Variants in ATM observed in about 807,000 individuals in gnomAD.
ATM encodes the protein ATM serine/threonine kinase.
Under a neutral mutation model 387.0 loss-of-function variants are expected in ATM, and 308 were observed. The ratio of observed to expected loss-of-function variants is 0.80; its 90% CI spans 0.73 to 0.87. The LOEUF is 0.87. Among genes scored for constraint, ATM ranks in the 40% least tolerant of loss-of-function variants. The pLI is 0.00. For missense variants in ATM, 3,312 were observed against 3,560.9 expected (o/e 0.93, Z 1.78); for synonymous variants, 1,156 against 1,187.3 (o/e 0.97, Z 0.54).
At chr11:108,242,730 C>G (rs1224532514) in intron 5 of ATM, among the ~76,000 whole-genome samples, 1 of 152,162 alleles carries the variant, frequency 6.6e-6, no homozygotes, top group Admixed American at 6.6e-5. Context: ...TCTGTTATAA[C>G]TCAGTCCACT....
chr11:108,291,031 C>G (rs900691464), intron 29 of ATM, among the ~76,000 whole-genome samples: 3 of 151,824 alleles, frequency 2.0e-5, no homozygotes, highest in Non-Finnish European at 4.4e-5. Flanking sequence ...GTCAGGAGAT[C>G]GAGACCATCC....
chr11:108,339,734 A>G (rs952215842), intron 56 of ATM, among the ~76,000 whole-genome samples: 2 of 152,130 alleles, frequency 1.3e-5, no homozygotes, highest in African/African-American at 4.8e-5. Flanking sequence ...TAAGGGTTTG[A>G]TTCCCCCTCC....
chr11:108,331,501 G>T lies in ATM; in HGVS notation c.7573G>T (p.Ala2525Ser). 1 of 1,613,378 alleles carries T rather than the reference G, an allele frequency of 6.2e-7. No individual in the cohort carries two copies. The highest frequency in any genetic ancestry group is 1.3e-5 in the African/African-American group (1 of 74,962). Residue 2525 changes from alanine to serine, a missense_variant, in exon 51 of 63, where the codon GCT becomes TCT. Around this residue, in one of 4 missense-constraint regions of ATM, gnomAD observed 1,405 missense variants for 1,604.4 expected, o/e 0.88. Transcript: ENST00000675843. ...KFLPLMYQLA[A>S]RMGTKMMGGL... ...TTTGCCTCTTATGTACCAATTGGCTGCTAGAATGGGGACCAAGATGATGGG... is the reference window on the plus strand; with the variant it reads ...TTTGCCTCTTATGTACCAATTGGCTTCTAGAATGGGGACCAAGATGATGGG...
At position 108,281,112 on chromosome 11, in the gene ATM, T is replaced by G. The variant is rs547400704; in HGVS notation, c.3520T>G (p.Phe1174Val). 3 of 1,614,052 alleles carry G rather than the reference T, an allele frequency of 1.9e-6. No individual in the cohort carries two copies. The highest frequency in any genetic ancestry group is 1.1e-5 in the South Asian group (1 of 91,080). The change falls in exon 24 of 63, where the codon TTT becomes GTT. Residue 1174 changes from phenylalanine (F) to valine (V), a missense_variant. By Grantham distance (50) the Phe-to-Val change is conservative. Coordinates refer to ENST00000675843, the MANE Select transcript of ATM (RefSeq NM_000051.4). ...CCCTATCTGCGAAAAACAGGCTTTG[T>G]TTGCCCTGTGTAAATCTGTGAAAGA... ...CSPICEKQAL[F>V]ALCKSVKENG... is the part of the protein sequence containing the mutation.
At chr11:108,321,701 T>A (rs889860952) in intron 45 of ATM, among the ~76,000 whole-genome samples, 2 of 151,740 alleles carry the variant, frequency 1.3e-5, no homozygotes, top group African/African-American at 2.4e-5. Flanking sequence ...GAAAATTGCT[T>A]GAACCCAGCA....
At chr11:108,274,014 G>A (rs572740109) in intron 22 of ATM, among the ~76,000 whole-genome samples, 2 of 152,128 alleles carry the variant, frequency 1.3e-5, no homozygotes, top group East Asian at 3.9e-4. Flanking sequence ...GGCTTTTTTT[G>A]GTTGGTAGGC....
At chr11:108,273,328 A>ATTTTTTTT (rs2081718897) in intron 22 of ATM, among the ~76,000 whole-genome samples, 1 of 106,402 alleles carries the variant, frequency 9.4e-6, no homozygotes, top group African/African-American at 4.2e-5. Context: ...TATTAATTTC[A>ATTTTTTTT]TTCTTTTTTT....
intron 30 of ATM, 102 bp from the exon 31 acceptor site, chr11:108,293,211 G>C (rs2082903674): frequency 3.9e-6 from 3 of 773,526 alleles, no homozygotes; most frequent in Non-Finnish European, 4.0e-6. Flanking sequence ...CATTTAATCT[G>C]ATCTAGGTTA....
intron 36 of ATM, among the ~76,000 whole-genome samples, 173 bp downstream of exon 36, chr11:108,303,202 C>T (rs146229640): frequency 7.2e-5 from 11 of 152,198 alleles, no homozygotes; most frequent in South Asian, 2.1e-4. Flanking sequence ...GTTTCAGCTT[C>T]GGGATAGCAA....
chr11:108,234,624 C>T (rs537593011), intron 4 of ATM, among the ~76,000 whole-genome samples: 34 of 152,186 alleles, frequency 2.2e-4, no homozygotes, highest in African/African-American at 8.2e-4. Flanking sequence ...ATCCCTTGAG[C>T]TCAGGAGTTC....
rs1565372302 is a variant in ATM at position 108,245,039 on chromosome 11, T to G, written c.901+13T>G. ...ACCCAAGAAAAAGGTATAAAGGAAA[T>G]GTTTACTGTTTTGAATTTGCTTCTT... On this transcript the variant is annotated intron_variant, in intron 7 of 62. Coordinates refer to ENST00000675843, the MANE Select transcript of ATM (RefSeq NM_000051.4). 1 of 1,582,678 alleles carries G rather than the reference T, an allele frequency of 6.3e-7. No individual in the cohort carries two copies. The highest frequency in any genetic ancestry group is 8.6e-7 in the Non-Finnish European group (1 of 1,158,970).
chr11:108,225,554 CT>C (rs1159879476), intron 1 of ATM: 1 of 152,194 alleles, frequency 6.6e-6, no homozygotes, highest in Non-Finnish European at 1.5e-5. Flanking sequence ...GCTAACTGCA[CT>C]TTCCGCCTCC....
At position 108,301,770 on chromosome 11, in the gene ATM, T is replaced by G. The variant is rs864622125; in HGVS notation, c.5300T>G (p.Phe1767Cys). ...CCAATGCTGGCCTATCTACAGCCTT[T>G]TAGAACATCAAGAAAAAAGGTCTCT... ...TDPMLAYLQP[F>C]RTSRKKFLEV... The change falls in exon 35 of 63, where the codon TTT (phenylalanine) becomes TGT (cysteine). Residue 1767 changes from phenylalanine to cysteine, a missense_variant. Physicochemically the swap from Phe to Cys is radical, Grantham distance 205. This residue lies in a region of ATM where 1,405 missense variants were observed against 1,604.4 expected (regional missense o/e 0.88). Transcript: ENST00000675843. 5.6e-6 allele frequency: 9 copies of G among 1,613,686 alleles called. No individual in the cohort carries two copies. Among genetic ancestry groups the G allele is most frequent in the Non-Finnish European group, 7.6e-6 (9 of 1,179,732 alleles).
At chr11:108,312,549 G>A (rs2136065802) in intron 40 of ATM, 51 bp downstream of exon 40, 2 of 1,386,412 alleles carry the variant, frequency 1.4e-6, no homozygotes, top group South Asian at 2.3e-5. Flanking sequence ...TCATACTTTG[G>A]GTTATTTTGT....
Position 108,250,753 on chromosome 11 carries a change from T to G in ATM, c.1288T>G (p.Cys430Gly). Reference sequence around the variant, plus strand: ...AAAGTATCCTGCAAGTTTACCTAACTGTGAGCTGTCTCCATTACTGATGAT... The same window carrying G: ...AAAGTATCCTGCAAGTTTACCTAACGGTGAGCTGTCTCCATTACTGATGAT... ...ISKYPASLPNCELSPLLMILS... is the reference protein window; with the variant it reads ...ISKYPASLPNGELSPLLMILS... The change falls in exon 10 of 63, where the codon TGT becomes GGT. Residue 430 changes from cysteine (C) to glycine (G), a missense_variant. Around this residue, in one of 4 missense-constraint regions of ATM, gnomAD observed 1,791 missense variants for 1,804.5 expected, o/e 0.99. Transcript: ENST00000675843. 1 of 1,612,858 alleles carries G rather than the reference T, an allele frequency of 6.2e-7. No homozygotes were observed. Among genetic ancestry groups the G allele is most frequent in the Non-Finnish European group, 8.5e-7 (1 of 1,179,840 alleles).
chr11:108,295,102 T>C (rs867300753), intron 32 of ATM, 43 bp downstream of exon 32: 7 of 1,611,174 alleles, frequency 4.3e-6, no homozygotes, highest in Admixed American at 3.3e-5. Context: ...CCTGTTTCTT[T>C]TTGAAAGAAT....
At chr11:108,303,174 C>G (rs1296283041) in intron 36 of ATM, 145 bp downstream of exon 36, 2 of 900,630 alleles carry the variant, frequency 2.2e-6, no homozygotes, top group Non-Finnish European at 3.3e-6. Flanking sequence ...CGTATTTAGT[C>G]ATAACTTTAT....
chr11:108,237,205 G>A (rs551407854), intron 5 of ATM, among the ~76,000 whole-genome samples: 1 of 152,212 alleles, frequency 6.6e-6, no homozygotes, highest in African/African-American at 2.4e-5. Flanking sequence ...ACGTTACTCT[G>A]AACACAAGAT....
intron 35 of ATM, 148 bp downstream of exon 35, chr11:108,301,937 C>T: frequency 1.0e-6 from 1 of 954,120 alleles, no homozygotes; most frequent in Non-Finnish European, 1.6e-6. Context: ...TTTCATAAAT[C>T]CAGGGAATGT....
Sources: gnomAD v4.1 joint callset for allele counts (sites outside exome capture counted in the v4.1 genomes callset) on GRCh38, gnomAD v4.1.1 for gene constraint, gnomAD v4.1.1 regional missense constraint, MANE v1.5 for transcripts, NCBI Gene and HGNC (gene_info 2026-07-23, HGNC 2026-07-21) for gene names.